The following PTK2 variants were observed in gnomAD, a reference collection of about 807,000 sequenced individuals.
The protein encoded by PTK2 is protein tyrosine kinase 2.
Under a neutral mutation model 150.1 loss-of-function variants are expected in PTK2, and 45 were observed. That is an observed-to-expected ratio of 0.30 (90% CI 0.24 to 0.38). The LOEUF (loss-of-function observed/expected upper bound fraction) is 0.38. Among genes scored for constraint, PTK2 ranks in the 10% least tolerant of loss-of-function variants. The probability of loss-of-function intolerance (pLI) is 1.00; values close to 1 mark genes in which losing one functional copy is unlikely to be tolerated. For missense variants in PTK2, 919 were observed against 1,307.3 expected, an observed-to-expected ratio of 0.70 and a Z score of 4.58; for synonymous variants, 432 against 449.2, an observed-to-expected ratio of 0.96 and a Z score of 0.48.
rs1009202578 is a variant in PTK2 at position 140,757,729 on chromosome 8, T to C, written c.1332+3436A>G. On this transcript the variant is annotated intron_variant, in intron 16 of 31. Transcript: ENST00000522684. Reference sequence around the variant, plus strand: ...ATTAGAGCCATCTCTGTTCACCTGCTACTATTCTAGTTCAAAGACAGTTTC... The same window carrying C: ...ATTAGAGCCATCTCTGTTCACCTGCCACTATTCTAGTTCAAAGACAGTTTC... Among the ~76,000 whole-genome samples the C allele has an allele frequency of 3.3e-5, 5 of 152,218 alleles. No homozygotes were observed. In the East Asian group the frequency reaches 9.6e-4, roughly 29 times the overall value.
chr8:140,923,737 T>C (rs563747704), intron 2 of PTK2, among the ~76,000 whole-genome samples: 3 of 152,344 alleles, frequency 2.0e-5, no homozygotes, highest in East Asian at 1.9e-4. Context: ...CTTTTAGTAC[T>C]GGCATATTTT....
chr8:140,691,699 T>A (rs1285358536), intron 26 of PTK2, among the ~76,000 whole-genome samples: 1 of 152,234 alleles, frequency 6.6e-6, no homozygotes, highest in Non-Finnish European at 1.5e-5. Context: ...ACAAGGCATA[T>A]AACCTCTCTA....
chr8:140,973,831 G>C (rs2100188293), intron 1 of PTK2, among the ~76,000 whole-genome samples: 1 of 152,148 alleles, frequency 6.6e-6, no homozygotes, highest in Admixed American at 6.5e-5. Flanking sequence ...GTGAAATTCT[G>C]AGAGTGATAT....
chr8:140,663,601 G>T (rs1386780661), intron 31 of PTK2, among the ~76,000 whole-genome samples: 2 of 152,156 alleles, frequency 1.3e-5, no homozygotes, highest in African/African-American at 2.4e-5. Flanking sequence ...TCATATAATT[G>T]AAACAAAATT....
intron 10 of PTK2, among the ~76,000 whole-genome samples, chr8:140,805,719 C>T (rs2100097801): frequency 6.6e-6 from 1 of 152,150 alleles, no homozygotes; most frequent in Admixed American, 6.6e-5. Flanking sequence ...TACTTCCCAT[C>T]TTCACAGTTG....
exon 32 of PTK2, chr8:140,659,194 G>C (rs2076034820): frequency 2.1e-6 from 1 of 475,070 alleles, no homozygotes; most frequent in Admixed American, 3.7e-5. Context: ...ATGCTTAAAA[G>C]CTTACATATA....
chr8:140,902,182 C>T (rs1018130708), intron 2 of PTK2, among the ~76,000 whole-genome samples: 3 of 151,980 alleles, frequency 2.0e-5, no homozygotes, highest in South Asian at 2.1e-4. Context: ...TACAGGCGCA[C>T]GCCACCACGC....
At chr8:140,816,944 A>G (rs1315043435) in intron 10 of PTK2, among the ~76,000 whole-genome samples, 3 of 152,248 alleles carry the variant, frequency 2.0e-5, no homozygotes, top group Non-Finnish European at 4.4e-5. Flanking sequence ...CCATCCTTGG[A>G]AATCTCTTCC....
intron 1 of PTK2, among the ~76,000 whole-genome samples, chr8:140,964,015 C>A (rs908657558): frequency 6.6e-6 from 1 of 152,132 alleles, no homozygotes; most frequent in Non-Finnish European, 1.5e-5. Context: ...CTACTTCTTA[C>A]AAACAAGCCT....
chr8:140,898,071 T>C (rs913907709), intron 2 of PTK2, among the ~76,000 whole-genome samples: 1 of 152,150 alleles, frequency 6.6e-6, no homozygotes, highest in Non-Finnish European at 1.5e-5. Context: ...TCATCTGTGA[T>C]GAAGAACCAG....
In PTK2 at chr8:140,920,759, C is replaced by T. The variant is rs772273289; in HGVS notation, c.-33+4902G>A. On this transcript the variant is annotated intron_variant, in intron 2 of 31. Transcript: ENST00000522684. ...TCTGAAAAACATTTATCTACCTTTT[C>T]GGTGCAAAAGCATGAATTCAAATAA... 3.2e-5 allele frequency: 43 copies of T among 1,328,844 alleles called. No homozygotes were observed. The African/African-American group carries it at 3.5e-4, about 11-fold the overall frequency. The allele number at this position is 1,328,844 out of a possible 1,614,324, so 82.3% of individuals were successfully genotyped here. A position where few individuals can be genotyped will look rare whatever the true frequency, so the allele number is the denominator to read the frequency against.
chr8:140,760,246 A>G (rs1318621562), intron 16 of PTK2, among the ~76,000 whole-genome samples: 3 of 150,510 alleles, frequency 2.0e-5, no homozygotes, highest in Non-Finnish European at 3.0e-5. Context: ...AAAACAAAAC[A>G]TATATATATA....
chr8:140,847,823 C>T (rs1252001683), intron 5 of PTK2, among the ~76,000 whole-genome samples: 1 of 152,184 alleles, frequency 6.6e-6, no homozygotes, highest in Non-Finnish European at 1.5e-5. Flanking sequence ...ATGACTGCCT[C>T]CTAGCCTGCT....
chr8:140,881,180 T>C (rs561195256), intron 3 of PTK2, among the ~76,000 whole-genome samples: 2 of 152,258 alleles, frequency 1.3e-5, no homozygotes, highest in South Asian at 4.1e-4. Flanking sequence ...AAGCCCAGAA[T>C]TCCTGACAGG....
At chr8:140,703,808 A>C (rs1053440381) in intron 24 of PTK2, among the ~76,000 whole-genome samples, 2 of 152,222 alleles carry the variant, frequency 1.3e-5, no homozygotes, top group African/African-American at 4.8e-5. Flanking sequence ...CTCAATCAAG[A>C]GAAAGAGAAC....
intron 11 of PTK2, among the ~76,000 whole-genome samples, chr8:140,803,287 C>T (rs757141397): frequency 1.8e-4 from 27 of 152,054 alleles, no homozygotes; most frequent in Middle Eastern, 3.4e-3. Context: ...TGTGGGCCAC[C>T]GCGCCTGGCC....
intron 16 of PTK2, among the ~76,000 whole-genome samples, chr8:140,759,254 T>A (rs2100067787): frequency 6.6e-6 from 1 of 152,022 alleles, no homozygotes; most frequent in African/African-American, 2.4e-5. Context: ...AGATCTGCAG[T>A]CTTATACGCT....
At position 140,787,765 on chromosome 8, in the gene PTK2, G is replaced by C. The variant is rs182773264; in HGVS notation, c.1177+1709C>G. 2.1e-3 allele frequency among the ~76,000 whole-genome samples: 318 copies of C among 152,308 alleles called. 3 individuals are homozygous for C. The highest frequency in any genetic ancestry group is 7.4e-3 in the African/African-American group (308 of 41,562). On this transcript the variant is annotated intron_variant, in intron 14 of 31. Coordinates refer to ENST00000522684, the Ensembl canonical transcript of PTK2. ...CTTGATCAAGCCTGGGGAGACTGTG[G>C]AGACAGTGTGTGGCAAGCACCAAAA...
intron 1 of PTK2, among the ~76,000 whole-genome samples, chr8:140,942,276 CAT>C (rs1442798047): frequency 6.6e-6 from 1 of 152,170 alleles, no homozygotes; most frequent in Non-Finnish European, 1.5e-5. Flanking sequence ...CTGAAGACTG[CAT>C]AGTTTCATCA....
Sources: allele counts gnomAD v4.1 joint callset (sites outside exome capture counted in the v4.1 genomes callset), GRCh38; gene constraint gnomAD v4.1.1; transcripts MANE v1.5; gene names NCBI Gene and HGNC (gene_info 2026-07-23, HGNC 2026-07-21).